CTNNA3: variants seen among roughly 807,000 people sequenced by gnomAD.
CTNNA3 encodes catenin alpha 3.
CTNNA3 carries 76 observed loss-of-function variants against 95.7 expected under a neutral mutation model. The ratio of observed to expected loss-of-function variants is 0.79; its 90% CI spans 0.66 to 0.96. The LOEUF (loss-of-function observed/expected upper bound fraction) is 0.96, where lower values mean the gene tolerates loss of function less well. Ranked by LOEUF, CTNNA3 falls within the 40% of genes least tolerant of loss-of-function variation. The pLI is 0.00. For missense variants in CTNNA3, 1,191 were observed against 1,089.8 expected (o/e 1.09, Z -1.31); for synonymous variants, 431 against 374.4 (o/e 1.15, Z -1.74).
intron 9 of CTNNA3, among the ~76,000 whole-genome samples, chr10:66,705,001 A>C (rs914679028): frequency 6.6e-6 from 1 of 152,128 alleles, no homozygotes; most frequent in Non-Finnish European, 1.5e-5. Context: ...TAAAGTATCC[A>C]GTCTTTCTGC....
rs1847874795 is a variant in CTNNA3 at position 67,472,716 on chromosome 10, C to T, written c.579+49126G>A. On this transcript the variant is annotated intron_variant, in intron 5 of 17. Coordinates refer to ENST00000433211, the MANE Select transcript of CTNNA3 (RefSeq NM_013266.4). ...CCTGGGACTGGGGGGATAGGGTGCT[C>T]TGCCTATGGAGTAGCCTTCCTTTTG... 3.3e-5 allele frequency among the ~76,000 whole-genome samples: 5 copies of T among 152,164 alleles called. No individual in the cohort carries two copies. In the South Asian group the frequency reaches 1.0e-3, roughly 32 times the overall value.
intron 7 of CTNNA3, chr10:66,926,615 T>C: frequency 6.2e-6 from 10 of 1,613,416 alleles, no homozygotes; most frequent in Non-Finnish European, 8.5e-6. Context: ...TCTTCTTTCC[T>C]TCTTAAAAAC....
chr10:67,675,931 A>T (rs908616704), intron 1 of CTNNA3, among the ~76,000 whole-genome samples: 8 of 152,096 alleles, frequency 5.3e-5, no homozygotes, highest in African/African-American at 1.7e-4. Context: ...TTAAGAAATT[A>T]TGTCCTATCC....
chr10:66,184,214 A>C (rs1323519293), intron 13 of CTNNA3, among the ~76,000 whole-genome samples: 1 of 152,076 alleles, frequency 6.6e-6, no homozygotes, highest in Non-Finnish European at 1.5e-5. Context: ...CAGGAAAATC[A>C]CTTGAACCTG....
chr10:66,513,610 C>T (rs1840737830), intron 11 of CTNNA3, among the ~76,000 whole-genome samples: 1 of 152,156 alleles, frequency 6.6e-6, no homozygotes, highest in Non-Finnish European at 1.5e-5. Context: ...GATGGTGGCA[C>T]ATCCCAGACA....
In CTNNA3 at chr10:67,343,728, A is replaced by G. The variant is rs185677604; in HGVS notation, c.580-123858T>C. ...GCATAATTTCACTTCTTCCTTTCCA[A>G]TTGGATGCTCTTTATTTTTTCTCTT... On this transcript the variant is annotated intron_variant, in intron 5 of 17. Coordinates refer to ENST00000433211, the MANE Select transcript of CTNNA3 (RefSeq NM_013266.4). Among the ~76,000 whole-genome samples the G allele has an allele frequency of 7.2e-3, 1,093 of 151,804 alleles. 7 individuals are homozygous for G. The highest frequency in any genetic ancestry group is 0.015 in the African/African-American group (611 of 41,498).
At chr10:67,196,684 T>C (rs967927375) in intron 6 of CTNNA3, among the ~76,000 whole-genome samples, 1 of 152,070 alleles carries the variant, frequency 6.6e-6, no homozygotes, top group African/African-American at 2.4e-5. Context: ...TCATGAATTC[T>C]TTCAGTTTTT....
chr10:66,426,268 G>C (rs12783614), intron 11 of CTNNA3, among the ~76,000 whole-genome samples: 30,731 of 151,824 alleles, frequency 0.2, 3,418 homozygotes, highest in South Asian at 0.3. Flanking sequence ...GTGTCATAGG[G>C]TACTCAGTTA....
chr10:67,262,856 G>A (rs945386008), intron 5 of CTNNA3, among the ~76,000 whole-genome samples: 3 of 152,146 alleles, frequency 2.0e-5, no homozygotes, highest in Non-Finnish European at 2.9e-5. Context: ...AAATAGCACC[G>A]CTAATCAGCA....
At chr10:66,338,402 A>C (rs2092419279) in intron 12 of CTNNA3, among the ~76,000 whole-genome samples, 1 of 152,008 alleles carries the variant, frequency 6.6e-6, no homozygotes, top group South Asian at 2.1e-4. Context: ...AATATACTAA[A>C]CATCACTAAC....
rs1564808453 is a variant in CTNNA3, at chr10:66,978,536, A to AAAAAATAAAATAAAAATAAAAAAAAT, written c.1047+201780_1047+201781insATTTTTTTTATTTTTATTTTATTTTT. Among the ~76,000 whole-genome samples, 8 of 94,384 alleles carry AAAAAATAAAATAAAAATAAAAAAAAT rather than the reference A, an allele frequency of 8.5e-5. 1 individual carries two copies. The highest frequency in any genetic ancestry group is 1.5e-4 in the Non-Finnish European group (7 of 45,898). The allele number at this position is 94,384 out of a possible 152,430, so 61.9% of individuals were successfully genotyped here. ...AGTGAGACTCCATCTCAAAAAAAAA[A>AAAAAATAAAATAAAAATAAAAAAAAT]AAAAAAAAAAAAAAAAATATATATA... On this transcript the variant is annotated intron_variant, in intron 7 of 17. Coordinates refer to ENST00000433211, the MANE Select transcript of CTNNA3 (RefSeq NM_013266.4).
intron 3 of CTNNA3, among the ~76,000 whole-genome samples, chr10:67,592,007 T>G (rs1248181810): frequency 6.6e-6 from 1 of 152,082 alleles, no homozygotes; most frequent in African/African-American, 2.4e-5. Flanking sequence ...AGTTCAGCAT[T>G]AGAGTCCACG....
chr10:66,723,806 AG>A, intron 9 of CTNNA3, among the ~76,000 whole-genome samples: 1 of 152,212 alleles, frequency 6.6e-6, no homozygotes, highest in East Asian at 1.9e-4. Context: ...GGAATGAGGC[AG>A]GCAACAAGCC....
chr10:67,305,386 A>T (rs1440929862), intron 5 of CTNNA3, among the ~76,000 whole-genome samples: 2 of 151,572 alleles, frequency 1.3e-5, no homozygotes, highest in African/African-American at 2.4e-5. Flanking sequence ...ATTAAAAAAA[A>T]AAAAAAGAGA....
At chr10:66,779,211 A>C (rs1245718378) in intron 7 of CTNNA3, among the ~76,000 whole-genome samples, 1 of 152,142 alleles carries the variant, frequency 6.6e-6, no homozygotes, top group Non-Finnish European at 1.5e-5. Flanking sequence ...ACCACTAATA[A>C]GACACCTTAA....
intron 5 of CTNNA3, among the ~76,000 whole-genome samples, chr10:67,255,553 A>C (rs1271122106): frequency 6.6e-6 from 1 of 152,150 alleles, no homozygotes; most frequent in African/African-American, 2.4e-5. Context: ...ATAGCTATTA[A>C]ATACTTTAAT....
Position 67,361,953 on chromosome 10 carries a change from T to C in CTNNA3, c.580-142083A>G, listed in dbSNP as rs149190498. Among the ~76,000 whole-genome samples, 292 of 152,014 alleles carry C rather than the reference T, an allele frequency of 1.9e-3. 2 individuals carry two copies. Among genetic ancestry groups the C allele is most frequent in the African/African-American group, 6.7e-3 (280 of 41,510 alleles). ...AATGGTGACATTATAACCAATTTCA[T>C]AGAAATACAAAAGATCCTCAGAAAC... On this transcript the variant is annotated intron_variant, in intron 5 of 17. Coordinates refer to ENST00000433211, the MANE Select transcript of CTNNA3 (RefSeq NM_013266.4).
intron 6 of CTNNA3, among the ~76,000 whole-genome samples, chr10:67,188,225 G>T (rs1366799032): frequency 6.6e-6 from 1 of 152,256 alleles, no homozygotes; most frequent in Non-Finnish European, 1.5e-5. Flanking sequence ...GCTAAGCACA[G>T]TGGCTCACGC....
At chr10:67,521,054 TA>T (rs1392248144) in intron 5 of CTNNA3, among the ~76,000 whole-genome samples, 2 of 152,304 alleles carry the variant, frequency 1.3e-5, no homozygotes, top group South Asian at 4.1e-4. Flanking sequence ...CAACCTCATT[TA>T]AACATTTAAC....
Sources: gnomAD v4.1 joint callset for allele counts (sites outside exome capture counted in the v4.1 genomes callset) on GRCh38, gnomAD v4.1.1 for gene constraint, MANE v1.5 for transcripts, NCBI Gene and HGNC (gene_info 2026-07-23, HGNC 2026-07-21) for gene names.